Variants in EVI5 observed in about 807,000 individuals in gnomAD.
EVI5 encodes the protein ecotropic viral integration site 5 protein homolog.
A neutral mutation model predicts 112.0 loss-of-function variants in EVI5; 73 were observed. That is an observed-to-expected ratio of 0.65 (90% CI 0.54 to 0.79). The LOEUF is 0.79. Among genes scored for constraint, EVI5 ranks in the 30% least tolerant of loss-of-function variants. The probability of loss-of-function intolerance (pLI) is 0.00; values close to 1 mark genes in which losing one functional copy is unlikely to be tolerated. For missense variants in EVI5, 900 were observed against 968.8 expected, an observed-to-expected ratio of 0.93 and a Z score of 0.94; for synonymous variants, 305 against 319.9, an observed-to-expected ratio of 0.95 and a Z score of 0.50.
intron 18 of EVI5, among the ~76,000 whole-genome samples, chr1:92,583,510 CAAAAAAAAAAAAA>C (rs71091290): frequency 1.8e-5 from 1 of 55,386 alleles, no homozygotes; most frequent in Admixed American, 2.8e-4. Flanking sequence ...GGCTCTGTCT[CAAAAAAAAAAAAA>C]AAAAAAAAAA....
At chr1:92,603,921 G>A (rs561456717) in intron 18 of EVI5, among the ~76,000 whole-genome samples, 4 of 152,040 alleles carry the variant, frequency 2.6e-5, no homozygotes, top group South Asian at 2.1e-4. Context: ...ATTTTTTGTA[G>A]AGAGGGAGTC....
At chr1:92,734,992 G>A (rs529788531) in intron 2 of EVI5, among the ~76,000 whole-genome samples, 1 of 152,114 alleles carries the variant, frequency 6.6e-6, no homozygotes, top group African/African-American at 2.4e-5. Context: ...TGTTGACAAG[G>A]ATGTAGAAGA....
intron 1 of EVI5, among the ~76,000 whole-genome samples, chr1:92,772,914 A>AG (rs1162960473): frequency 1.1e-4 from 17 of 149,736 alleles, no homozygotes; most frequent in Admixed American, 1.1e-3. Context: ...CTTAAAAAAA[A>AG]AAAAAAAAAA....
chr1:92,792,316 A>G, intron 1 of EVI5: 1 of 1,473,074 alleles, frequency 6.8e-7, no homozygotes, highest in Non-Finnish European at 9.5e-7. Flanking sequence ...GTTTTAATAT[A>G]AAATCAAACA....
chr1:92,785,430 CCTGA>C (rs1358434162), upstream of EVI5, among the ~76,000 whole-genome samples: 1 of 152,238 alleles, frequency 6.6e-6, no homozygotes, highest in Non-Finnish European at 1.5e-5. Flanking sequence ...CGACGCGGAG[CCTGA>C]CTTTCAGGGC....
At chr1:92,630,683 T>C (rs2101841650) in intron 14 of EVI5, among the ~76,000 whole-genome samples, 1 of 152,206 alleles carries the variant, frequency 6.6e-6, no homozygotes, top group Admixed American at 6.5e-5. Flanking sequence ...TTAGATCCCA[T>C]TTGTCAATTT....
chr1:92,543,148 C>T (rs192771584), intron 19 of EVI5, among the ~76,000 whole-genome samples: 3 of 152,296 alleles, frequency 2.0e-5, no homozygotes, highest in East Asian at 3.9e-4. Flanking sequence ...CATCTTCCTC[C>T]GGTATAAGAC....
intron 19 of EVI5, among the ~76,000 whole-genome samples, chr1:92,536,418 G>T (rs189374489): frequency 6.6e-6 from 1 of 152,132 alleles, no homozygotes; most frequent in Non-Finnish European, 1.5e-5. Context: ...ACAGGAAACA[G>T]CAGAGTTTCT....
chr1:92,631,111 T>G (rs1362275071), intron 14 of EVI5, among the ~76,000 whole-genome samples: 15 of 152,022 alleles, frequency 9.9e-5, no homozygotes, highest in African/African-American at 3.6e-4. Context: ...AGTCAGGTAG[T>G]GTGATGCCTC....
intron 19 of EVI5, among the ~76,000 whole-genome samples, chr1:92,542,849 T>A (rs1391850755): frequency 1.3e-5 from 2 of 152,230 alleles, no homozygotes; most frequent in Non-Finnish European, 2.9e-5. Context: ...AGTAATATTT[T>A]GGAAGGAAAT....
At chr1:92,635,102 C>A (rs1472041944) in intron 14 of EVI5, among the ~76,000 whole-genome samples, 7 of 152,198 alleles carry the variant, frequency 4.6e-5, no homozygotes, top group African/African-American at 1.7e-4. Context: ...TGGGGGGTGC[C>A]TCCCAGTTAG....
chr1:92,630,195 G>A (rs1053024239), intron 14 of EVI5, among the ~76,000 whole-genome samples: 102 of 152,146 alleles, frequency 6.7e-4, no homozygotes, highest in Non-Finnish European at 9.7e-4. Context: ...TAATGGGATG[G>A]CTGGGTCAAA....
intron 19 of EVI5, among the ~76,000 whole-genome samples, chr1:92,555,422 G>A (rs1325441301): frequency 1.3e-5 from 2 of 152,176 alleles, no homozygotes; most frequent in Non-Finnish European, 2.9e-5. Flanking sequence ...GTTTCTAGAA[G>A]TAGACTATTG....
intron 18 of EVI5, among the ~76,000 whole-genome samples, chr1:92,599,792 T>A (rs1031949337): frequency 6.6e-6 from 1 of 152,168 alleles, no homozygotes; most frequent in South Asian, 2.1e-4. Context: ...TAATTCACAG[T>A]GGGCAGAATA....
chr1:92,641,987 AAAT>A (rs1467554636), intron 13 of EVI5, among the ~76,000 whole-genome samples: 2 of 152,038 alleles, frequency 1.3e-5, no homozygotes, highest in East Asian at 3.9e-4. Context: ...AAAATACAAA[AAAT>A]TAGCCAGGCA....
intron 2 of EVI5, among the ~76,000 whole-genome samples, chr1:92,705,585 T>C (rs866867897): frequency 6.6e-6 from 1 of 152,218 alleles, no homozygotes; most frequent in Non-Finnish European, 1.5e-5. Flanking sequence ...AAGGTCCCTG[T>C]TGAATTTTGA....
chr1:92,759,863 C>A (rs1432878255), intron 1 of EVI5, among the ~76,000 whole-genome samples: 4 of 142,512 alleles, frequency 2.8e-5, no homozygotes, highest in Admixed American at 7.1e-5. Context: ...ATACCCTCCC[C>A]CCCACATACA....
chr1:92,624,323 A>G lies in EVI5; in HGVS notation c.1680T>C (p.Ala560=). ...GGTCTTTCCATCTCCCAGTAGTACG[A>G]GCTAAGTGGCGCTAAAGCATAAAAA... ...DLEEHWQRHL[A]RTTGRWKDPP... is the part of the protein sequence containing the mutation. Residue 560 remains alanine (A), a synonymous_variant, in exon 16 of 20, where the codon GCT becomes GCC. Coordinates refer to ENST00000684568, the MANE Select transcript of EVI5 (RefSeq NM_001350197.2). 1 of 1,613,424 alleles carries G rather than the reference A, an allele frequency of 6.2e-7. No homozygotes were observed. The highest frequency in any genetic ancestry group is 8.5e-7 in the Non-Finnish European group (1 of 1,179,570).
At chr1:92,727,167 G>A (rs1042718587) in intron 2 of EVI5, among the ~76,000 whole-genome samples, 1 of 152,118 alleles carries the variant, frequency 6.6e-6, no homozygotes, top group Admixed American at 6.6e-5. Context: ...AATCCATAGA[G>A]ACAGAAAATA....
Sources: allele counts gnomAD v4.1 joint callset (sites outside exome capture counted in the v4.1 genomes callset), GRCh38; gene constraint gnomAD v4.1.1; transcripts MANE v1.5; gene names NCBI Gene and HGNC (gene_info 2026-07-23, HGNC 2026-07-21).